The following SCAPER variants were observed in gnomAD, a reference collection of about 807,000 sequenced individuals.
SCAPER encodes S-phase cyclin A associated protein in the ER, also known as S phase cyclin A-associated protein in the endoplasmic reticulum.
Under a neutral mutation model 182.2 loss-of-function variants are expected in SCAPER, and 98 were observed. The ratio of observed to expected loss-of-function variants is 0.54; its 90% CI spans 0.46 to 0.64. The LOEUF is 0.64. SCAPER is among the 30% of genes least tolerant of loss of function. SCAPER has a pLI of 0.00. For synonymous variants in SCAPER, 605 were observed against 564.6 expected (o/e 1.07, Z -1.01); for missense variants, 1,432 against 1,690.0 (o/e 0.85, Z 2.68).
chr15:76,687,233 CATG>C (rs1178954159), intron 20 of SCAPER, among the ~76,000 whole-genome samples: 1 of 151,986 alleles, frequency 6.6e-6, no homozygotes, highest in Non-Finnish European at 1.5e-5. Flanking sequence ...GTAAGATTTA[CATG>C]ATAATTAAGA....
At chr15:76,712,846 G>A (rs75321830) in intron 17 of SCAPER, among the ~76,000 whole-genome samples, 48,323 of 150,278 alleles carry the variant, frequency 0.32, 7,583 homozygotes, top group East Asian at 0.53. Context: ...GGGCTGAGAC[G>A]ATGGGGTTTT....
chr15:76,854,688 G>A (rs931342108), intron 4 of SCAPER, among the ~76,000 whole-genome samples: 12 of 151,334 alleles, frequency 7.9e-5, no homozygotes, highest in Non-Finnish European at 1.5e-4. Flanking sequence ...GGCCGGGCAC[G>A]GTAGCTCACA....
chr15:76,842,912 C>T (rs1203532856), intron 4 of SCAPER, among the ~76,000 whole-genome samples: 2 of 152,106 alleles, frequency 1.3e-5, no homozygotes, highest in East Asian at 3.9e-4. Context: ...TTCCAGACCA[C>T]CTCATTTCTT....
At chr15:76,549,078 A>T (rs1296921546) in intron 23 of SCAPER, among the ~76,000 whole-genome samples, 1 of 152,122 alleles carries the variant, frequency 6.6e-6, no homozygotes, top group Non-Finnish European at 1.5e-5. Flanking sequence ...GAATCTACAA[A>T]GAACTCAAAC....
intron 22 of SCAPER, among the ~76,000 whole-genome samples, chr15:76,620,731 T>C (rs1383864992): frequency 1.3e-5 from 2 of 152,176 alleles, no homozygotes; most frequent in African/African-American, 2.4e-5. Context: ...AAAAGAGTCA[T>C]CTATGCAAAA....
intron 22 of SCAPER, among the ~76,000 whole-genome samples, chr15:76,609,743 C>CT (rs1473291804): frequency 6.6e-6 from 1 of 152,152 alleles, no homozygotes; most frequent in Non-Finnish European, 1.5e-5. Context: ...GTAAATGGAA[C>CT]TATGGTAGTA....
At chr15:76,758,879 T>A (rs972042915) in intron 14 of SCAPER, among the ~76,000 whole-genome samples, 1 of 152,186 alleles carries the variant, frequency 6.6e-6, no homozygotes, top group Non-Finnish European at 1.5e-5. Flanking sequence ...TTCTCTCTCA[T>A]ATAGTTCATG....
intron 15 of SCAPER, among the ~76,000 whole-genome samples, chr15:76,735,365 C>T (rs978188115): frequency 6.6e-6 from 1 of 151,486 alleles, no homozygotes; most frequent in African/African-American, 2.4e-5. Context: ...AGAGTGAGAC[C>T]CTGTCTCATT....
rs373225804 is a variant in SCAPER, at chr15:76,776,862, T to C, written c.773-1745A>G. ...ACCTGTGAGACAATATTTGAGTTAC[T>C]AGAGTTCAAGAAGGAGAGTATAGGA... On this transcript the variant is annotated intron_variant, in intron 8 of 31. Coordinates refer to ENST00000563290, the MANE Select transcript of SCAPER (RefSeq NM_020843.4). Among the ~76,000 whole-genome samples the C allele has an allele frequency of 3.3e-5, 5 of 152,198 alleles. No homozygotes were observed. The East Asian group carries it at 5.8e-4, about 18-fold the overall frequency.
intron 2 of SCAPER, among the ~76,000 whole-genome samples, chr15:76,875,938 T>C (rs2073117514): frequency 6.6e-6 from 1 of 152,080 alleles, no homozygotes; most frequent in Admixed American, 6.5e-5. Flanking sequence ...GGGGTCAGGC[T>C]CAGGCATGGC....
intron 20 of SCAPER, among the ~76,000 whole-genome samples, chr15:76,668,417 C>A (rs2056779659): frequency 6.6e-6 from 1 of 152,178 alleles, no homozygotes; most frequent in Non-Finnish European, 1.5e-5. Context: ...CCATGACCTA[C>A]AAGGCTGAGT....
intron 20 of SCAPER, among the ~76,000 whole-genome samples, chr15:76,690,068 C>T (rs962255479): frequency 6.6e-6 from 1 of 152,006 alleles, no homozygotes; most frequent in East Asian, 1.9e-4. Context: ...GTATCCCAAC[C>T]CCTTGAAACC....
chr15:76,773,240 A>G (rs531958031), intron 9 of SCAPER, among the ~76,000 whole-genome samples: 1 of 152,084 alleles, frequency 6.6e-6, no homozygotes, highest in Admixed American at 6.5e-5. Context: ...TTCCATCTTT[A>G]GAATGACAGT....
Position 76,381,594 on chromosome 15 carries a change from A to G in SCAPER, c.3489T>C (p.Asn1163=). 3 of 1,597,146 alleles carry G rather than the reference A, an allele frequency of 1.9e-6. No homozygotes were observed. The highest frequency in any genetic ancestry group is 1.1e-5 in the South Asian group (1 of 88,362). The part of the protein sequence containing the change: ...VTGRSYSIFD[N]NRQDPTGLTA... ...TCAGCCCTGTGGGATCCTGGCGATT[A>G]TTGTCAAATATGCTGTATGACCTGA... is the stretch of plus-strand genomic sequence containing the variant. The change falls in exon 28 of 32, where the codon AAT becomes AAC. Residue 1163 remains asparagine (N), a synonymous_variant. Transcript: ENST00000563290.
intron 15 of SCAPER, among the ~76,000 whole-genome samples, chr15:76,743,468 C>T (rs116083315): frequency 0.016 from 2,360 of 152,140 alleles, 61 homozygotes; most frequent in African/African-American, 0.055. Context: ...ATATAAAAAT[C>T]AATGTACAAA....
At chr15:76,878,054 T>G (rs958425844) in intron 2 of SCAPER, among the ~76,000 whole-genome samples, 4 of 152,208 alleles carry the variant, frequency 2.6e-5, no homozygotes, top group Non-Finnish European at 5.9e-5. Context: ...TATTTATATA[T>G]GTGTGCAGGT....
At chr15:76,672,238 A>G (rs746023571) in intron 20 of SCAPER, among the ~76,000 whole-genome samples, 10 of 152,240 alleles carry the variant, frequency 6.6e-5, no homozygotes, top group Non-Finnish European at 7.3e-5. Context: ...AGGGATCTCT[A>G]TGAAGTTAGA....
intron 23 of SCAPER, among the ~76,000 whole-genome samples, chr15:76,529,474 G>C (rs1035109674): frequency 1.3e-5 from 2 of 152,222 alleles, no homozygotes; most frequent in Non-Finnish European, 2.9e-5. Context: ...TAGTATGTTA[G>C]ATGGTCAGAT....
intron 24 of SCAPER, among the ~76,000 whole-genome samples, chr15:76,480,113 C>A (rs1452133606): frequency 2.0e-5 from 3 of 152,112 alleles, no homozygotes; most frequent in Non-Finnish European, 4.4e-5. Context: ...TGATGAGAAC[C>A]CTCTAGATTG....
Sources: gnomAD v4.1 joint callset for allele counts (sites outside exome capture counted in the v4.1 genomes callset) on GRCh38, gnomAD v4.1.1 for gene constraint, MANE v1.5 for transcripts, NCBI Gene and HGNC (gene_info 2026-07-23, HGNC 2026-07-21) for gene names.